PSG8: variants seen among roughly 807,000 people sequenced by gnomAD.
The protein encoded by PSG8 is pregnancy specific beta-1-glycoprotein 8, also known as pregnancy-specific beta-1-glycoprotein 8.
Under a neutral mutation model 42.5 loss-of-function variants are expected in PSG8, and 57 were observed. That is an observed-to-expected ratio of 1.34 (90% CI 1.08 to 1.67). PSG8 has a LOEUF of 1.67. Among genes scored for constraint, PSG8 ranks in the 40% most tolerant of loss-of-function variants. The probability of loss-of-function intolerance (pLI) is 0.00; values close to 1 mark genes in which losing one functional copy is unlikely to be tolerated. For missense variants in PSG8, 783 were observed against 518.6 expected, an observed-to-expected ratio of 1.51 and a Z score of -4.95; for synonymous variants, 280 against 196.8, an observed-to-expected ratio of 1.42 and a Z score of -3.54.
At chr19:42,761,036 G>A (rs1423576050) in intron 2 of PSG8, among the ~76,000 whole-genome samples, 1 of 151,594 alleles carries the variant, frequency 6.6e-6, no homozygotes, top group African/African-American at 2.4e-5. Context: ...AGCAGGTTGA[G>A]GATGGAGTCA....
Position 42,754,594 on chromosome 19 carries a change from C to G in PSG8, c.989-7G>C, listed in dbSNP as rs1356269786. The G allele has an allele frequency of 2.8e-5, 45 of 1,608,532 alleles. No individual in the cohort carries two copies. Among genetic ancestry groups the G allele is most frequent in the Admixed American group, 5.0e-5 (3 of 59,654 alleles). On this transcript the variant is annotated splice_region_variant and splice_polypyrimidine_tract_variant and intron_variant, in intron 4 of 4. Coordinates refer to ENST00000306511, the MANE Select transcript of PSG8 (RefSeq NM_182707.3). Reference sequence around the variant, plus strand: ...CTGGGGAGGTCTGGACCATCTGGAGCAAAGAGAATAAAGCCACAGGTGATG... The same window carrying G: ...CTGGGGAGGTCTGGACCATCTGGAGGAAAGAGAATAAAGCCACAGGTGATG...
intron 4 of PSG8, 185 bp downstream of exon 4, chr19:42,754,803 C>T (rs1407520504): frequency 4.8e-6 from 7 of 1,449,920 alleles, no homozygotes; most frequent in Non-Finnish European, 6.4e-6. Context: ...AGCGTCCACT[C>T]CCCTTATACT....
chr19:42,758,370 C>G lies in PSG8; in HGVS notation c.431-90G>C, dbSNP rs563606809. On this transcript the variant is annotated intron_variant, in intron 2 of 4. Coordinates refer to ENST00000306511, the MANE Select transcript of PSG8 (RefSeq NM_182707.3). ...CAATCAGAGTTGGCATTTCCCACCT[C>G]TCAGCCCACCCAAGTCCTTAAAAGC... The G allele has an allele frequency of 3.2e-5, 50 of 1,548,474 alleles. No homozygotes were observed. The Admixed American group carries it at 7.1e-4, about 22-fold the overall frequency.
chr19:42,765,478 C>T (rs780499586), intron 1 of PSG8, 40 bp downstream of exon 1: 42 of 1,606,796 alleles, frequency 2.6e-5, no homozygotes, highest in Non-Finnish European at 3.5e-5. Flanking sequence ...AGTCACTCTG[C>T]TTCCTCCTCC....
Position 42,760,737 on chromosome 19 carries a change from C to T in PSG8, c.431-2457G>A, listed in dbSNP as rs1290878331. Among the ~76,000 whole-genome samples the T allele has an allele frequency of 2.0e-5, 3 of 152,098 alleles. No individual in the cohort carries two copies. In the East Asian group the frequency reaches 5.8e-4, roughly 29 times the overall value. ...AGCTGGGACTACAGGGGCCCGCCAC[C>T]ATGGCTGGCTAATTTTTTGTATTTT... is the stretch of plus-strand genomic sequence containing the variant. On this transcript the variant is annotated intron_variant, in intron 2 of 4. Coordinates refer to ENST00000306511, the MANE Select transcript of PSG8 (RefSeq NM_182707.3).
At chr19:42,763,147 G>C (rs1970119617) in intron 2 of PSG8, among the ~76,000 whole-genome samples, 1 of 152,136 alleles carries the variant, frequency 6.6e-6, no homozygotes, top group Admixed American at 6.5e-5. Context: ...TTATTAATTT[G>C]CTTCCATGAG....
At position 42,757,398 on chromosome 19, in the gene PSG8, A is replaced by C. The variant is rs988083229; in HGVS notation, c.709+604T>G. Among the ~76,000 whole-genome samples, 33 of 152,096 alleles carry C rather than the reference A, an allele frequency of 2.2e-4. 1 individual carries two copies. Among genetic ancestry groups the C allele is most frequent in the Admixed American group, 2.0e-3 (31 of 15,274 alleles). On this transcript the variant is annotated intron_variant, in intron 3 of 4. Transcript: ENST00000306511. ...TGTTCCAGCAGTGGCTGAGTTATGG[A>C]TGAAACAGACATAGACCCCTCTATA...
At chr19:42,758,503 T>C (rs938677376) in intron 2 of PSG8, 2 of 1,017,030 alleles carry the variant, frequency 2.0e-6, no homozygotes, top group African/African-American at 3.3e-5. Context: ...AAGTGTGAAT[T>C]GAGCAGCAGC....
Position 42,765,466 on chromosome 19 carries a change from C to G in PSG8, c.64+52G>C, listed in dbSNP as rs1970193771. The G allele has an allele frequency of 1.9e-5, 30 of 1,603,824 alleles. No homozygotes were observed. The South Asian group carries it at 3.3e-4, about 18-fold the overall frequency. On this transcript the variant is annotated intron_variant, in intron 1 of 4. Transcript: ENST00000306511. ...CCCCATACTCTCAAGGAGACCCCAT[C>G]CAGTCACTCTGCTTCCTCCTCCTGT...
intron 4 of PSG8, 98 bp from the exon 5 acceptor site, chr19:42,754,685 C>G: frequency 7.0e-7 from 1 of 1,433,478 alleles, no homozygotes; most frequent in African/African-American, 1.4e-5. Context: ...AGCCAAGACA[C>G]ACCCTCAAGT....
intron 1 of PSG8, 147 bp from the exon 2 acceptor site, chr19:42,764,428 A>C: frequency 4.3e-6 from 6 of 1,387,144 alleles, no homozygotes; most frequent in African/African-American, 1.5e-5. Context: ...ACACACACAC[A>C]AAAGCGGCAT....
chr19:42,761,168 T>G (rs1268167466), intron 2 of PSG8, among the ~76,000 whole-genome samples: 1 of 152,184 alleles, frequency 6.6e-6, no homozygotes, highest in Non-Finnish European at 1.5e-5. Context: ...CCATCTGGCA[T>G]CTAGTCTCAG....
In PSG8 at chr19:42,764,202, C is replaced by A; in HGVS notation, c.144G>T (p.Gly48=). ...TGTGGACAAGTAGAAGAACATCCTT[C>A]CCCTCAGAAACTTTGGTTGGCTGGG... ...IEAQPTKVSE[G]KDVLLLVHNL... Residue 48 remains glycine (G), a synonymous_variant, in exon 2 of 5, where the codon GGG becomes GGT. Coordinates refer to ENST00000306511, the MANE Select transcript of PSG8 (RefSeq NM_182707.3). 3 of 1,613,574 alleles carry A rather than the reference C, an allele frequency of 1.9e-6. No homozygotes were observed. The highest frequency in any genetic ancestry group is 2.5e-6 in the Non-Finnish European group (3 of 1,179,598).
At chr19:42,753,971 C>T, downstream of PSG8, 1 of 622,934 alleles carries the variant, frequency 1.6e-6, no homozygotes, top group Non-Finnish European at 2.9e-6. Flanking sequence ...TATTGAACTG[C>T]TATAAGCTAC....
Position 42,763,883 on chromosome 19 carries a change from C to A in PSG8, c.430+33G>T, listed in dbSNP as rs775542496. On this transcript the variant is annotated intron_variant, in intron 2 of 4. Coordinates refer to ENST00000306511, the MANE Select transcript of PSG8 (RefSeq NM_182707.3). ...TGTGAAGTAGAAGTGACCCCTGTCCCCCAACACCCAGGGATCATGTGGAAT... is the reference window on the plus strand; with the variant it reads ...TGTGAAGTAGAAGTGACCCCTGTCCACCAACACCCAGGGATCATGTGGAAT... The A allele has an allele frequency of 3.1e-6, 5 of 1,613,506 alleles. No homozygotes were observed. The South Asian group carries it at 5.5e-5, about 18-fold the overall frequency.
chr19:42,763,553 T>G (rs1970130192), intron 2 of PSG8: 4 of 339,474 alleles, frequency 1.2e-5, no homozygotes, highest in Non-Finnish European at 1.6e-5. Context: ...GCTGAGCTTC[T>G]CTGAGAGTAT....
intron 1 of PSG8, among the ~76,000 whole-genome samples, 178 bp downstream of exon 1, chr19:42,765,340 G>A (rs1350596796): frequency 6.6e-6 from 1 of 151,984 alleles, no homozygotes; most frequent in African/African-American, 2.4e-5. Flanking sequence ...TTTTAGTAGA[G>A]ACAGGGCTTC....
intron 4 of PSG8, 36 bp from the exon 5 acceptor site, chr19:42,754,623 T>C: frequency 6.3e-7 from 1 of 1,592,272 alleles, no homozygotes; most frequent in African/African-American, 1.3e-5. Context: ...GGTGATGTCA[T>C]CTGAGGGAAG....
At chr19:42,757,440 G>T (rs1187942986) in intron 3 of PSG8, among the ~76,000 whole-genome samples, 1 of 151,934 alleles carries the variant, frequency 6.6e-6, no homozygotes. Flanking sequence ...AGTGATTTGG[G>T]GGATAAAGAA....
Sources: gnomAD v4.1 joint callset for allele counts (sites outside exome capture counted in the v4.1 genomes callset) on GRCh38, gnomAD v4.1.1 for gene constraint, MANE v1.5 for transcripts, NCBI Gene and HGNC (gene_info 2026-07-23, HGNC 2026-07-21) for gene names.